SLC7A14: variants seen among roughly 807,000 people sequenced by gnomAD.
The protein encoded by SLC7A14 is gamma-aminobutyric acid transporter SLC7A14.
SLC7A14 carries 37 observed loss-of-function variants against 60.2 expected under a neutral mutation model. That is an observed-to-expected ratio of 0.61 (90% CI 0.47 to 0.81). The LOEUF (loss-of-function observed/expected upper bound fraction) is 0.81, where lower values mean the gene tolerates loss of function less well. Among genes scored for constraint, SLC7A14 ranks in the 30% least tolerant of loss-of-function variants. The pLI, the probability that SLC7A14 is intolerant of heterozygous loss-of-function variation, is 0.00. For synonymous variants in SLC7A14, 399 were observed against 395.8 expected, an observed-to-expected ratio of 1.01 and a Z score of -0.10; for missense variants, 886 against 982.7, an observed-to-expected ratio of 0.90 and a Z score of 1.32.
intron 2 of SLC7A14, among the ~76,000 whole-genome samples, chr3:170,501,945 G>T (rs764562236): frequency 1.1e-4 from 17 of 152,158 alleles, no homozygotes; most frequent in Non-Finnish European, 2.4e-4. Context: ...TGAAGCACTG[G>T]GTATAAAAAA....
chr3:170,572,060 CAAAAAAAAAAAAAAA>C (rs765897392), intron 1 of SLC7A14, among the ~76,000 whole-genome samples: 1 of 80,710 alleles, frequency 1.2e-5, no homozygotes. Context: ...GACTCTGTCT[CAAAAAAAAAAAAAAA>C]AAAAAAGAAA....
intron 2 of SLC7A14, among the ~76,000 whole-genome samples, chr3:170,524,860 A>T (rs1713443469): frequency 6.6e-6 from 1 of 152,202 alleles, no homozygotes; most frequent in Admixed American, 6.5e-5. Flanking sequence ...AAGGGGATAA[A>T]TGGTAAAACC....
chr3:170,548,940 G>A (rs1224873998), intron 1 of SLC7A14, among the ~76,000 whole-genome samples: 1 of 152,186 alleles, frequency 6.6e-6, no homozygotes, highest in Non-Finnish European at 1.5e-5. Flanking sequence ...GTTCCATGAA[G>A]GCAGAGTGTG....
chr3:170,507,919 C>A (rs1463999066), intron 2 of SLC7A14, among the ~76,000 whole-genome samples: 1 of 152,194 alleles, frequency 6.6e-6, no homozygotes, highest in Admixed American at 6.5e-5. Flanking sequence ...CAGGGCTGTA[C>A]TGAGCATGGG....
intron 2 of SLC7A14, among the ~76,000 whole-genome samples, chr3:170,510,692 C>T (rs1712952425): frequency 6.6e-6 from 1 of 152,146 alleles, no homozygotes; most frequent in Non-Finnish European, 1.5e-5. Flanking sequence ...TTATCTGTGC[C>T]CCAAGCCAAT....
chr3:170,477,764 A>G (rs1182643088), intron 7 of SLC7A14, among the ~76,000 whole-genome samples: 1 of 152,240 alleles, frequency 6.6e-6, no homozygotes, highest in Non-Finnish European at 1.5e-5. Flanking sequence ...ACTGTACAAT[A>G]TTTTTAAAAG....
chr3:170,481,666 T>C (rs1711828441), intron 6 of SLC7A14, among the ~76,000 whole-genome samples: 1 of 152,106 alleles, frequency 6.6e-6, no homozygotes, highest in Non-Finnish European at 1.5e-5. Flanking sequence ...TCCCAGAGTG[T>C]TGGGATTATA....
At chr3:170,582,598 T>G (rs182526955) in intron 1 of SLC7A14, among the ~76,000 whole-genome samples, 2 of 152,324 alleles carry the variant, frequency 1.3e-5, no homozygotes, top group East Asian at 3.9e-4. Context: ...ATAGAAGTTA[T>G]GTATTTAATT....
At chr3:170,553,192 C>G (rs1005456344) in intron 1 of SLC7A14, among the ~76,000 whole-genome samples, 3 of 152,158 alleles carry the variant, frequency 2.0e-5, no homozygotes, top group Non-Finnish European at 4.4e-5. Context: ...ATCTTGGCAT[C>G]CCTGGCTCTA....
chr3:170,575,837 G>A (rs1172364950), intron 1 of SLC7A14, among the ~76,000 whole-genome samples: 3 of 152,188 alleles, frequency 2.0e-5, no homozygotes. Context: ...GACTCCATGA[G>A]CCCTGAATTC....
chr3:170,565,017 G>C (rs770269080), intron 1 of SLC7A14, among the ~76,000 whole-genome samples: 1 of 152,106 alleles, frequency 6.6e-6, no homozygotes, highest in African/African-American at 2.4e-5. Context: ...CAGAAGCCTC[G>C]ATTGTTAGAA....
intron 7 of SLC7A14, among the ~76,000 whole-genome samples, chr3:170,475,521 T>G (rs1711583957): frequency 6.6e-6 from 1 of 152,196 alleles, no homozygotes; most frequent in South Asian, 2.1e-4. Flanking sequence ...GATTGTGGGT[T>G]GGATATATTT....
intron 1 of SLC7A14, among the ~76,000 whole-genome samples, chr3:170,550,919 T>C (rs1263881405): frequency 1.3e-5 from 2 of 152,188 alleles, no homozygotes; most frequent in Non-Finnish European, 2.9e-5. Context: ...AAATTCATCC[T>C]TTTAAAGTAT....
chr3:170,505,743 C>T (rs557549342), intron 2 of SLC7A14, among the ~76,000 whole-genome samples: 1 of 152,164 alleles, frequency 6.6e-6, no homozygotes, highest in East Asian at 1.9e-4. Flanking sequence ...AAAAAATTAG[C>T]CAGGTGCAGT....
rs558005812 is a variant in SLC7A14 at position 170,533,508 on chromosome 3, G to C, written c.-152-6420C>G. Among the ~76,000 whole-genome samples, 14 of 152,216 alleles carry C rather than the reference G, an allele frequency of 9.2e-5. No individual in the cohort carries two copies. The South Asian group carries it at 2.9e-3, about 32-fold the overall frequency. Reference sequence around the variant, plus strand: ...ACTAAACATCTTCAATTTCTTCTGCGATCAACAGTGCCTCACATGTTATAG... The same window carrying C: ...ACTAAACATCTTCAATTTCTTCTGCCATCAACAGTGCCTCACATGTTATAG... On this transcript the variant is annotated intron_variant, in intron 1 of 7. Transcript: ENST00000231706.
At chr3:170,479,053 C>T (rs1577498182) in intron 7 of SLC7A14, among the ~76,000 whole-genome samples, 3 of 152,002 alleles carry the variant, frequency 2.0e-5, no homozygotes, top group Non-Finnish European at 2.9e-5. Flanking sequence ...ACCTGGTTGG[C>T]GGAGGTTGCA....
intron 1 of SLC7A14, among the ~76,000 whole-genome samples, chr3:170,545,959 A>G (rs1478892636): frequency 6.6e-6 from 1 of 152,168 alleles, no homozygotes; most frequent in African/African-American, 2.4e-5. Context: ...GCTGCCCTTT[A>G]ATGACTTAGG....
At chr3:170,525,362 A>T (rs1198269604) in intron 2 of SLC7A14, among the ~76,000 whole-genome samples, 1 of 152,228 alleles carries the variant, frequency 6.6e-6, no homozygotes, top group African/African-American at 2.4e-5. Context: ...CTTGCACCTT[A>T]TTTTTAAAAA....
intron 2 of SLC7A14, among the ~76,000 whole-genome samples, chr3:170,522,592 C>T (rs533290723): frequency 4.6e-5 from 7 of 152,060 alleles, no homozygotes; most frequent in Non-Finnish European, 1.0e-4. Context: ...AAGGGCAAAC[C>T]GATAGGGACT....
Sources: gnomAD v4.1 joint callset for allele counts (sites outside exome capture counted in the v4.1 genomes callset) on GRCh38, gnomAD v4.1.1 for gene constraint, MANE v1.5 for transcripts, NCBI Gene and HGNC (gene_info 2026-07-23, HGNC 2026-07-21) for gene names.